GNA12: variants seen among roughly 807,000 people sequenced by gnomAD.
GNA12 encodes guanine nucleotide-binding protein subunit alpha-12.
GNA12 carries 9 observed loss-of-function variants against 26.0 expected under a neutral mutation model. The observed-to-expected ratio is 0.35, with a 90% CI of 0.21 to 0.60. The LOEUF (loss-of-function observed/expected upper bound fraction) is 0.60, where lower values mean the gene tolerates loss of function less well. Ranked by LOEUF, GNA12 falls within the 20% of genes least tolerant of loss-of-function variation. The probability of loss-of-function intolerance (pLI) is 0.78; values close to 1 mark genes in which losing one functional copy is unlikely to be tolerated. For missense variants in GNA12, 405 were observed against 525.8 expected, an observed-to-expected ratio of 0.77 and a Z score of 2.25; for synonymous variants, 264 against 219.6, an observed-to-expected ratio of 1.20 and a Z score of -1.79.
At chr7:2,772,893 T>A (rs1791984109) in intron 2 of GNA12, among the ~76,000 whole-genome samples, 1 of 152,222 alleles carries the variant, frequency 6.6e-6, no homozygotes, top group East Asian at 1.9e-4. Context: ...AAACACCATG[T>A]CTGTGAACAG....
intron 1 of GNA12, among the ~76,000 whole-genome samples, chr7:2,822,025 T>C (rs902518659): frequency 6.6e-6 from 1 of 152,184 alleles, no homozygotes; most frequent in Non-Finnish European, 1.5e-5. Flanking sequence ...TTCCAGGATG[T>C]GATGACTAGA....
intron 1 of GNA12, among the ~76,000 whole-genome samples, chr7:2,797,166 G>C (rs1012172703): frequency 6.6e-6 from 1 of 152,166 alleles, no homozygotes; most frequent in African/African-American, 2.4e-5. Flanking sequence ...CTTTTTTGGA[G>C]ACTGGGTCTT....
intron 1 of GNA12, among the ~76,000 whole-genome samples, chr7:2,821,627 A>G (rs530018323): frequency 6.6e-6 from 1 of 152,328 alleles, no homozygotes; most frequent in South Asian, 2.1e-4. Flanking sequence ...AAACTCCTGC[A>G]GTTATTCTAT....
At chr7:2,744,454 G>C (rs1790668832) in intron 2 of GNA12, among the ~76,000 whole-genome samples, 2 of 152,196 alleles carry the variant, frequency 1.3e-5, no homozygotes, top group African/African-American at 2.4e-5. Flanking sequence ...CTGCAGCTGA[G>C]GGTCCTGTCT....
rs57390413 is a variant in GNA12, at chr7:2,780,093, T to TATAA, written c.525+14834_525+14835insTTAT. 1.3e-3 allele frequency among the ~76,000 whole-genome samples: 164 copies of TATAA among 130,114 alleles called. 4 individuals carry two copies. The highest frequency in any genetic ancestry group is 4.5e-3 in the African/African-American group (151 of 33,296). 85.4% of individuals were successfully genotyped at this position (130,114 alleles called of 152,430 possible). On this transcript the variant is annotated intron_variant, in intron 2 of 3. Coordinates refer to ENST00000275364, the MANE Select transcript of GNA12 (RefSeq NM_007353.3). ...ATATATATATATATATATATATATA[T>TATAA]GCCTGTTTTCCCTTCTAAACAGAAA...
intron 2 of GNA12, among the ~76,000 whole-genome samples, chr7:2,788,364 T>C (rs771553376): frequency 1.7e-4 from 26 of 152,118 alleles, no homozygotes; most frequent in Non-Finnish European, 1.6e-4. Context: ...TGAGGATGTG[T>C]TGGACGGCAC....
At chr7:2,800,685 G>C (rs1737681236) in intron 1 of GNA12, among the ~76,000 whole-genome samples, 1 of 152,274 alleles carries the variant, frequency 6.6e-6, no homozygotes, top group African/African-American at 2.4e-5. Flanking sequence ...GTAGGGAAGG[G>C]AGGCTTGCTA....
intron 2 of GNA12, among the ~76,000 whole-genome samples, chr7:2,736,198 C>A (rs964477711): frequency 1.3e-5 from 2 of 152,144 alleles, no homozygotes; most frequent in African/African-American, 4.8e-5. Context: ...ATGAAATTAA[C>A]CGCTTGGTGG....
At chr7:2,817,761 G>A (rs1793248903) in intron 1 of GNA12, among the ~76,000 whole-genome samples, 1 of 152,208 alleles carries the variant, frequency 6.6e-6, no homozygotes, top group Admixed American at 6.5e-5. Flanking sequence ...TCCAGTATTA[G>A]GACTGGGGAG....
intron 2 of GNA12, among the ~76,000 whole-genome samples, chr7:2,745,100 A>G (rs1165115190): frequency 6.6e-6 from 1 of 152,238 alleles, no homozygotes; most frequent in Non-Finnish European, 1.5e-5. Context: ...ACTCTGCAGG[A>G]TATTATCCAG....
intron 2 of GNA12, among the ~76,000 whole-genome samples, chr7:2,785,790 T>C (rs1006818782): frequency 2.6e-5 from 4 of 152,240 alleles, no homozygotes; most frequent in African/African-American, 9.6e-5. Context: ...CTCATGCCTG[T>C]AATCCCAGCA....
At chr7:2,830,899 C>A (rs1374931446) in intron 1 of GNA12, among the ~76,000 whole-genome samples, 1 of 152,004 alleles carries the variant, frequency 6.6e-6, no homozygotes, top group Non-Finnish European at 1.5e-5. Flanking sequence ...TGTGATTGCA[C>A]CACTGCACAT....
At chr7:2,736,673 G>A (rs1025044944) in intron 2 of GNA12, among the ~76,000 whole-genome samples, 1 of 152,246 alleles carries the variant, frequency 6.6e-6, no homozygotes, top group Non-Finnish European at 1.5e-5. Flanking sequence ...CCTTTCTGCA[G>A]AGGCCTGCAG....
intron 2 of GNA12, among the ~76,000 whole-genome samples, chr7:2,791,381 C>A (rs1172139712): frequency 2.0e-5 from 3 of 152,210 alleles, no homozygotes; most frequent in Admixed American, 1.3e-4. Flanking sequence ...CAGGCTGCCT[C>A]CCCTATGGAA....
intron 2 of GNA12, chr7:2,762,297 G>A (rs1054096680): frequency 1.8e-5 from 5 of 275,258 alleles, no homozygotes; most frequent in African/African-American, 6.6e-5. Flanking sequence ...CGGGGCCGGC[G>A]TGCACCCACC....
intron 1 of GNA12, among the ~76,000 whole-genome samples, chr7:2,823,938 A>G (rs1229643134): frequency 6.6e-6 from 1 of 152,158 alleles, no homozygotes; most frequent in Non-Finnish European, 1.5e-5. Context: ...TTAGAGAGAA[A>G]CGCTCATTAC....
chr7:2,814,958 T>C (rs1793181933), intron 1 of GNA12: 1 of 1,569,090 alleles, frequency 6.4e-7, no homozygotes. Flanking sequence ...CAGTAGGCGC[T>C]CTGCACTCGG....
At chr7:2,742,227 T>C (rs1014920573) in intron 2 of GNA12, among the ~76,000 whole-genome samples, 5 of 152,140 alleles carry the variant, frequency 3.3e-5, no homozygotes, top group African/African-American at 9.6e-5. Context: ...TTGCCCCATT[T>C]TGGCCAGGCT....
chr7:2,832,496 C>T (rs766885111), intron 1 of GNA12, among the ~76,000 whole-genome samples: 7 of 152,200 alleles, frequency 4.6e-5, no homozygotes, highest in African/African-American at 1.7e-4. Flanking sequence ...ATCACTGGAA[C>T]GTTCCACCAC....
Sources: gnomAD v4.1 joint callset for allele counts (sites outside exome capture counted in the v4.1 genomes callset) on GRCh38, gnomAD v4.1.1 for gene constraint, MANE v1.5 for transcripts, NCBI Gene and HGNC (gene_info 2026-07-23, HGNC 2026-07-21) for gene names.